The following SLC4A10 variants were observed in gnomAD, a reference collection of about 807,000 sequenced individuals.
SLC4A10 encodes sodium-driven chloride bicarbonate exchanger.
Under a neutral mutation model 137.7 loss-of-function variants are expected in SLC4A10, and 42 were observed. The ratio of observed to expected loss-of-function variants is 0.30; its 90% CI spans 0.24 to 0.39. The LOEUF (loss-of-function observed/expected upper bound fraction) is 0.39. Among genes scored for constraint, SLC4A10 ranks in the 10% least tolerant of loss-of-function variants. The pLI is 1.00. For missense variants in SLC4A10, 925 were observed against 1,355.0 expected (o/e 0.68, Z 4.98); for synonymous variants, 474 against 464.1 (o/e 1.02, Z -0.27).
chr2:161,929,005 TTTC>T (rs762697003), intron 15 of SLC4A10, among the ~76,000 whole-genome samples: 40 of 152,324 alleles, frequency 2.6e-4, no homozygotes, highest in Admixed American at 1.2e-3. Context: ...TATATTTTTG[TTTC>T]TTATGTATGG....
intron 1 of SLC4A10, among the ~76,000 whole-genome samples, chr2:161,760,629 C>T (rs2050159550): frequency 1.3e-5 from 2 of 152,012 alleles, no homozygotes; most frequent in Admixed American, 6.6e-5. Flanking sequence ...GTCAGCCCAG[C>T]AAAGATTCAT....
intron 6 of SLC4A10, among the ~76,000 whole-genome samples, chr2:161,868,867 A>C (rs538370468): frequency 2.0e-5 from 3 of 151,652 alleles, no homozygotes; most frequent in Non-Finnish European, 3.0e-5. Flanking sequence ...TCTTTTTTTC[A>C]TAGTCATCCT....
At chr2:161,738,970 A>G (rs1346342596) in intron 1 of SLC4A10, among the ~76,000 whole-genome samples, 2 of 152,166 alleles carry the variant, frequency 1.3e-5, no homozygotes, top group Admixed American at 1.3e-4. Context: ...GATGGGGTGA[A>G]GATATAAACC....
chr2:161,796,140 C>A (rs2054748004), intron 2 of SLC4A10, among the ~76,000 whole-genome samples: 1 of 152,064 alleles, frequency 6.6e-6, no homozygotes, highest in Non-Finnish European at 1.5e-5. Context: ...TATTTTATAT[C>A]CTGTCCATCT....
chr2:161,893,734 C>A (rs1028932511), intron 10 of SLC4A10, among the ~76,000 whole-genome samples: 3 of 149,736 alleles, frequency 2.0e-5, no homozygotes, highest in African/African-American at 2.5e-5. Flanking sequence ...GAGGGGGGGA[C>A]AATAAAAAAT....
At chr2:161,801,974 G>A (rs1035808294) in intron 2 of SLC4A10, among the ~76,000 whole-genome samples, 3 of 151,914 alleles carry the variant, frequency 2.0e-5, no homozygotes, top group Admixed American at 2.0e-4. Context: ...ACTTAATATT[G>A]TGGTCAATAA....
chr2:161,826,642 C>A (rs773462332), intron 3 of SLC4A10, among the ~76,000 whole-genome samples: 17 of 152,074 alleles, frequency 1.1e-4, no homozygotes, highest in Non-Finnish European at 1.8e-4. Flanking sequence ...GCTAATAATG[C>A]AAAGATAGAA....
At chr2:161,780,754 A>G (rs147595979) in intron 2 of SLC4A10, among the ~76,000 whole-genome samples, 1 of 151,988 alleles carries the variant, frequency 6.6e-6, no homozygotes, top group Admixed American at 6.6e-5. Context: ...ATTCAAATAG[A>G]ATATAGTTTA....
chr2:161,975,448 T>A (rs909004942), intron 24 of SLC4A10, among the ~76,000 whole-genome samples: 2 of 152,188 alleles, frequency 1.3e-5, no homozygotes, highest in Non-Finnish European at 2.9e-5. Flanking sequence ...CTTCGTTCAA[T>A]CAAGTATTTA....
intron 10 of SLC4A10, among the ~76,000 whole-genome samples, chr2:161,893,127 T>C (rs985716738): frequency 2.6e-5 from 4 of 152,034 alleles, no homozygotes; most frequent in African/African-American, 9.7e-5. Flanking sequence ...AACTGACATA[T>C]GTACACCCAA....
At chr2:161,896,590 G>A (rs2063529058) in intron 11 of SLC4A10, among the ~76,000 whole-genome samples, 2 of 152,142 alleles carry the variant, frequency 1.3e-5, no homozygotes, top group East Asian at 3.9e-4. Context: ...GGACGTGAAG[G>A]ACCTCTTCAA....
At chr2:161,661,589 T>C (rs1359368776) in intron 1 of SLC4A10, among the ~76,000 whole-genome samples, 4 of 152,264 alleles carry the variant, frequency 2.6e-5, no homozygotes, top group African/African-American at 4.8e-5. Context: ...ACTTAGCTTC[T>C]GTTTGAAAGT....
At chr2:161,922,223 A>G (rs548794318) in intron 15 of SLC4A10, among the ~76,000 whole-genome samples, 1 of 152,194 alleles carries the variant, frequency 6.6e-6, no homozygotes, top group Non-Finnish European at 1.5e-5. Flanking sequence ...AAAAAGTTTA[A>G]GAATTTAATG....
At chr2:161,641,179 C>T (rs1331686633) in intron 1 of SLC4A10, among the ~76,000 whole-genome samples, 1 of 152,054 alleles carries the variant, frequency 6.6e-6, no homozygotes. Flanking sequence ...TCCAATCTTA[C>T]TGTTTATTAC....
At chr2:161,981,800 A>G (rs1396823203) in intron 26 of SLC4A10, among the ~76,000 whole-genome samples, 1 of 152,174 alleles carries the variant, frequency 6.6e-6, no homozygotes, top group Non-Finnish European at 1.5e-5. Context: ...TCTGACCTGT[A>G]AGTAGTATGT....
intron 5 of SLC4A10, among the ~76,000 whole-genome samples, chr2:161,856,680 C>T (rs1233806087): frequency 6.6e-6 from 1 of 151,978 alleles, no homozygotes; most frequent in African/African-American, 2.4e-5. Flanking sequence ...TTGCTAATAC[C>T]CAATAAACAT....
chr2:161,942,757 C>T lies in SLC4A10; in HGVS notation c.1998-35C>T, dbSNP rs112210058. 7,761 of 1,520,602 alleles carry T rather than the reference C, an allele frequency of 5.1e-3. 28 individuals are homozygous for T. Among genetic ancestry groups the T allele is most frequent in the Non-Finnish European group, 5.9e-3 (6,529 of 1,114,252 alleles). The allele number at this position is 1,520,602 out of a possible 1,614,324, so 94.2% of individuals were successfully genotyped here. ...TCTTCGGTACAGTCACAAAAAGCTA[C>T]TTATTTCACAAAAGACACTATTTTG... On this transcript the variant is annotated intron_variant, in intron 15 of 26. Transcript: ENST00000446997.
chr2:161,826,021 A>G (rs2057998706), intron 3 of SLC4A10, among the ~76,000 whole-genome samples: 1 of 152,216 alleles, frequency 6.6e-6, no homozygotes, highest in Admixed American at 6.5e-5. Context: ...ATTACCCTGT[A>G]ATGAAATTAC....
intron 1 of SLC4A10, among the ~76,000 whole-genome samples, chr2:161,682,202 G>A (rs1020108074): frequency 6.6e-6 from 1 of 151,930 alleles, no homozygotes; most frequent in Non-Finnish European, 1.5e-5. Context: ...TCCCCCTCTC[G>A]AATTTTAACA....
Sources: gnomAD v4.1 joint callset for allele counts (sites outside exome capture counted in the v4.1 genomes callset) on GRCh38, gnomAD v4.1.1 for gene constraint, MANE v1.5 for transcripts, NCBI Gene and HGNC (gene_info 2026-07-23, HGNC 2026-07-21) for gene names.